The following DAB1 variants were observed in gnomAD, a reference collection of about 807,000 sequenced individuals.
DAB1 encodes the protein disabled homolog 1.
DAB1 carries 15 observed loss-of-function variants against 64.6 expected under a neutral mutation model. The ratio of observed to expected loss-of-function variants is 0.23; its 90% CI spans 0.16 to 0.36. The LOEUF (loss-of-function observed/expected upper bound fraction) is 0.36, where lower values mean the gene tolerates loss of function less well. DAB1 is among the 10% of genes least tolerant of loss of function. The pLI, the probability that DAB1 is intolerant of heterozygous loss-of-function variation, is 1.00. For missense variants in DAB1, 596 were observed against 706.7 expected (o/e 0.84, Z 1.78); for synonymous variants, 235 against 251.9 (o/e 0.93, Z 0.64).
rs564137732 is a variant in DAB1 at position 57,613,530 on chromosome 1, A to G, written n.625+36062T>C. Among the ~76,000 whole-genome samples the G allele has an allele frequency of 2.0e-5, 3 of 152,266 alleles. No individual in the cohort carries two copies. The East Asian group carries it at 5.8e-4, about 29-fold the overall frequency. ...GGCCGATTAAGTAACCAATTTATGT[A>G]CTCAGAGCTGTTTAAATGCATGCTG... On this transcript the variant is annotated intron_variant and non_coding_transcript_variant, in intron 7 of 20. Coordinates refer to the DAB1 transcript ENST00000485760.
chr1:58,277,805 CTGTT>C (rs1211142003), intron 4 of DAB1, among the ~76,000 whole-genome samples: 1 of 152,210 alleles, frequency 6.6e-6, no homozygotes, highest in African/African-American at 2.4e-5. Flanking sequence ...TAGCCTCTGT[CTGTT>C]TTTCTGTCCT....
At chr1:58,456,988 G>A (rs745487848) in intron 3 of DAB1, among the ~76,000 whole-genome samples, 21 of 152,116 alleles carry the variant, frequency 1.4e-4, no homozygotes, top group Non-Finnish European at 2.9e-4. Context: ...CTAAGAAACC[G>A]CTCAGAAGGA....
At chr1:57,061,424 T>C (rs1377899815) in intron 9 of DAB1, among the ~76,000 whole-genome samples, 1 of 152,198 alleles carries the variant, frequency 6.6e-6, no homozygotes, top group Non-Finnish European at 1.5e-5. Context: ...CATCTCCCTA[T>C]GCAATTTGTG....
intron 11 of DAB1, among the ~76,000 whole-genome samples, chr1:57,021,291 C>T (rs1646609917): frequency 6.6e-6 from 1 of 152,138 alleles, no homozygotes; most frequent in East Asian, 1.9e-4. Flanking sequence ...AGACTAAAAC[C>T]CAGGTCTTCC....
intron 2 of DAB1, among the ~76,000 whole-genome samples, chr1:57,154,465 C>T (rs1406562934): frequency 2.6e-5 from 4 of 152,162 alleles, no homozygotes; most frequent in Non-Finnish European, 5.9e-5. Flanking sequence ...TAAGGTTGCT[C>T]ACAGATCTTA....
At chr1:57,439,426 T>TTTTTTTTTTTTTTTG (rs1685835554) in intron 7 of DAB1, among the ~76,000 whole-genome samples, 3 of 94,888 alleles carry the variant, frequency 3.2e-5, no homozygotes, top group South Asian at 3.9e-4. Context: ...AGGTTTTTTC[T>TTTTTTTTTTTTTTTG]TTTTTTTTTT....
chr1:58,509,636 AG>A (rs777333177), intron 2 of DAB1, among the ~76,000 whole-genome samples: 44 of 151,548 alleles, frequency 2.9e-4, no homozygotes, highest in Non-Finnish European at 5.5e-4. Context: ...AGTTTACAGA[AG>A]GAGGGAAATA....
Position 57,832,558 on chromosome 1 carries a change from C to T in DAB1, n.88-6103G>A, listed in dbSNP as rs34157613. ...AGTCAGATACTTATTTCTTGCCTTGCTGACAGAGGACTGTCATGCCTGGGT... is the reference window on the plus strand; with the variant it reads ...AGTCAGATACTTATTTCTTGCCTTGTTGACAGAGGACTGTCATGCCTGGGT... On this transcript the variant is annotated intron_variant and non_coding_transcript_variant, in intron 1 of 1. Transcript: ENST00000477280. Among the ~76,000 whole-genome samples, 108 of 152,336 alleles carry T rather than the reference C, an allele frequency of 7.1e-4. No individual in the cohort carries two copies. The East Asian group carries it at 0.016, about 22-fold the overall frequency.
At chr1:58,233,021 T>C (rs866297794) in intron 4 of DAB1, among the ~76,000 whole-genome samples, 18 of 152,218 alleles carry the variant, frequency 1.2e-4, no homozygotes, top group Admixed American at 2.0e-4. Flanking sequence ...TAGAACTCTA[T>C]GTAGCACATA....
chr1:57,904,596 G>A (rs1373412253), intron 5 of DAB1, among the ~76,000 whole-genome samples: 2 of 152,124 alleles, frequency 1.3e-5, no homozygotes, highest in East Asian at 1.9e-4. Context: ...GGTCAGAGGG[G>A]GCCTTTTGGA....
At chr1:58,168,730 C>G (rs531937858) in intron 4 of DAB1, among the ~76,000 whole-genome samples, 1 of 152,266 alleles carries the variant, frequency 6.6e-6, no homozygotes, top group South Asian at 2.1e-4. Context: ...CCTTCCTATT[C>G]AAGTGAGGAC....
intron 1 of DAB1, among the ~76,000 whole-genome samples, chr1:57,294,382 G>A (rs1284810520): frequency 6.6e-6 from 1 of 152,008 alleles, no homozygotes; most frequent in Non-Finnish European, 1.5e-5. Flanking sequence ...CTAGTGAACT[G>A]CTTCTAAAAT....
intron 1 of DAB1, among the ~76,000 whole-genome samples, chr1:57,332,402 A>G (rs1412912021): frequency 1.3e-5 from 2 of 152,236 alleles, no homozygotes; most frequent in African/African-American, 4.8e-5. Context: ...AAAATGAGGT[A>G]ATAACAGTGT....
intron 9 of DAB1, among the ~76,000 whole-genome samples, chr1:57,057,652 G>T (rs982417894): frequency 2.7e-5 from 4 of 148,518 alleles, no homozygotes; most frequent in Non-Finnish European, 5.9e-5. Flanking sequence ...CTGTTGCCCA[G>T]GCTGGAGTGC....
intron 7 of DAB1, among the ~76,000 whole-genome samples, chr1:57,591,822 T>C (rs1270254289): frequency 6.6e-6 from 1 of 152,220 alleles, no homozygotes; most frequent in Non-Finnish European, 1.5e-5. Context: ...TCAGAGGCTC[T>C]GGGGAAACCG....
At chr1:57,553,428 AAGAAAGAAAGAAAGAG>A (rs1644942603) in intron 7 of DAB1, among the ~76,000 whole-genome samples, 1 of 16,328 alleles carries the variant, frequency 6.1e-5, no homozygotes, top group Non-Finnish European at 7.4e-4. Flanking sequence ...GAAAGAAAGA[AAGAAAGAAAGAAAGAG>A]AAAGAAAGAA....
At chr1:58,480,987 A>T (rs748544856) in intron 3 of DAB1, 1 of 869,528 alleles carries the variant, frequency 1.2e-6, no homozygotes, top group South Asian at 1.3e-5. Context: ...TCTTTTCTCA[A>T]CTATGTATGT....
chr1:57,927,466 G>A lies in DAB1; in HGVS notation n.388-43304C>T, dbSNP rs374467588. Among the ~76,000 whole-genome samples the A allele has an allele frequency of 1.1e-4, 16 of 152,098 alleles. No homozygotes were observed. The East Asian group carries it at 2.3e-3, about 22-fold the overall frequency. On this transcript the variant is annotated intron_variant and non_coding_transcript_variant, in intron 5 of 20. Transcript: ENST00000485760. Reference sequence around the variant, plus strand: ...GCACAGGTTGCAGTGAGCCATGATCGCACCACTGCACTCCACCCTGGGTGA... The same window carrying A: ...GCACAGGTTGCAGTGAGCCATGATCACACCACTGCACTCCACCCTGGGTGA...
chr1:57,242,917 T>C (rs1321111251), intron 2 of DAB1, among the ~76,000 whole-genome samples: 2 of 152,210 alleles, frequency 1.3e-5, no homozygotes, highest in African/African-American at 4.8e-5. Context: ...ATAAACCGAC[T>C]GGAAAAATTT....
Sources: allele counts gnomAD v4.1 joint callset (sites outside exome capture counted in the v4.1 genomes callset), GRCh38; gene constraint gnomAD v4.1.1; transcripts MANE v1.5; gene names NCBI Gene and HGNC (gene_info 2026-07-23, HGNC 2026-07-21).